IQCE: variants seen among roughly 807,000 people sequenced by gnomAD.
IQCE encodes IQ motif containing E, also known as IQ domain-containing protein E.
IQCE carries 115 observed loss-of-function variants against 96.0 expected under a neutral mutation model. That is an observed-to-expected ratio of 1.20 (90% confidence interval 1.03 to 1.40). The LOEUF (loss-of-function observed/expected upper bound fraction) is 1.40, where lower values mean the gene tolerates loss of function less well. IQCE is among the 40% of genes most tolerant of loss of function. The pLI is 0.00. For synonymous variants in IQCE, 412 were observed against 371.2 expected (o/e 1.11, Z -1.26); for missense variants, 1,041 against 909.1 (o/e 1.15, Z -1.87).
rs999470909 is a variant in IQCE at position 2,590,018 on chromosome 7, C to T, written c.1156C>T (p.Arg386Cys). ...SALHRQPRGD[R>C]NKDHERLRGA... ...GCTGCACAGACAGCCACGAGGGGAC[C>T]GCAACAAGGACCACGAGCGTCTCCG... is the stretch of plus-strand genomic sequence containing the variant. The change falls in exon 14 of 22, where the codon CGC (arginine) becomes TGC (cysteine). Residue 386 changes from arginine to cysteine, a missense_variant. Physicochemically the swap from Arg to Cys is radical, Grantham distance 180. Coordinates refer to ENST00000402050, the MANE Select transcript of IQCE (RefSeq NM_152558.5). The T allele has an allele frequency of 1.4e-5, 22 of 1,613,760 alleles. No homozygotes were observed. The highest frequency in any genetic ancestry group is 6.7e-5 in the African/African-American group (5 of 74,936).
chr7:2,586,420 AATGGCAGGGC>A (rs751512223), intron 12 of IQCE, 49 bp downstream of exon 12: 20 of 417,894 alleles, frequency 4.8e-5, no homozygotes, highest in Non-Finnish European at 6.9e-5. Flanking sequence ...AATGGCAGGG[AATGGCAGGGC>A]ATGGCCACTG....
chr7:2,568,582 C>A (rs967787614), intron 2 of IQCE, among the ~76,000 whole-genome samples: 1 of 152,218 alleles, frequency 6.6e-6, no homozygotes, highest in African/African-American at 2.4e-5. Flanking sequence ...AGGGATTCAT[C>A]TGACCACCTC....
rs1250126016 is a variant in IQCE, at chr7:2,559,073, G to C, written c.-109G>C. ...TGCCATGGCAGCGGGGTCGCGGGCC[G>C]GCGCCAGGGAAGGCCCCGAGGCTGC... On this transcript the variant is annotated 5_prime_UTR_variant, in exon 1 of 22. Transcript: ENST00000402050. 7.0e-6 allele frequency: 4 copies of C among 572,344 alleles called. No individual in the cohort carries two copies. Among genetic ancestry groups the C allele is most frequent in the Non-Finnish European group, 1.0e-5 (4 of 401,888 alleles). 35.5% of individuals were successfully genotyped at this position (572,344 alleles called of 1,614,324 possible).
At chr7:2,560,092 G>T (rs985826230) in intron 1 of IQCE, among the ~76,000 whole-genome samples, 1 of 152,116 alleles carries the variant, frequency 6.6e-6, no homozygotes, top group African/African-American at 2.4e-5. Context: ...CCCAGGAGGT[G>T]GAAGCTACAG....
intron 18 of IQCE, 64 bp from the exon 19 acceptor site, chr7:2,604,815 CCT>C: frequency 2.6e-6 from 3 of 1,153,670 alleles, no homozygotes; most frequent in Non-Finnish European, 2.6e-6. Flanking sequence ...TCGGCGCCTC[CCT>C]CTCGCCCGCC....
Position 2,610,079 on chromosome 7 carries a change from C to G in IQCE, c.2005C>G (p.Leu669Val), listed in dbSNP as rs771781546. The G allele has an allele frequency of 1.2e-6, 2 of 1,612,078 alleles. No individual in the cohort carries two copies. The highest frequency in any genetic ancestry group is 1.7e-5 in the Admixed American group (1 of 60,020). The part of the protein sequence containing the change: ...SPSGPQALAP[L>V]PGDDVNSDDS... Reference sequence around the variant, plus strand: ...CTCAGGGCCACAGGCCTTGGCACCTCTACCTGGGGATGACGTCAACTCCGA... The same window carrying G: ...CTCAGGGCCACAGGCCTTGGCACCTGTACCTGGGGATGACGTCAACTCCGA... Residue 669 changes from leucine (L) to valine (V), a missense_variant, in exon 22 of 22, where the codon CTA becomes GTA. Transcript: ENST00000402050.
chr7:2,575,621 T>C (rs1242680508), intron 6 of IQCE, among the ~76,000 whole-genome samples: 3 of 152,194 alleles, frequency 2.0e-5, no homozygotes, highest in African/African-American at 7.2e-5. Context: ...TGGGGAGGAC[T>C]GTGGTGTTTT....
intron 8 of IQCE, among the ~76,000 whole-genome samples, chr7:2,579,322 GAATAA>G (rs1337527478): frequency 6.6e-6 from 1 of 152,062 alleles, no homozygotes; most frequent in African/African-American, 2.4e-5. Flanking sequence ...TGAACGCAAA[GAATAA>G]AATAACATTA....
intron 1 of IQCE, among the ~76,000 whole-genome samples, chr7:2,562,855 CTTT>C (rs558901415): frequency 7.1e-6 from 1 of 141,820 alleles, no homozygotes; most frequent in East Asian, 2.1e-4. Flanking sequence ...ATCTTTCTTT[CTTT>C]TTTTTTTTTA....
chr7:2,584,385 C>G lies in IQCE; in HGVS notation c.824+100C>G, dbSNP rs188661757. 863 of 1,110,058 alleles carry G rather than the reference C, an allele frequency of 7.8e-4. 3 individuals carry two copies. The African/African-American group carries it at 0.012, about 15-fold the overall frequency. The allele number at this position is 1,110,058 out of a possible 1,614,324, so 68.8% of individuals were successfully genotyped here. On this transcript the variant is annotated intron_variant, in intron 11 of 21. Coordinates refer to ENST00000402050, the MANE Select transcript of IQCE (RefSeq NM_152558.5). Reference sequence around the variant, plus strand: ...TGTCACGTGGGTGCGGCATATACTGCCCTTAGCTTGGCAGTGCTGCCAACA... The same window carrying G: ...TGTCACGTGGGTGCGGCATATACTGGCCTTAGCTTGGCAGTGCTGCCAACA...
chr7:2,593,224 G>T (rs551121285), intron 15 of IQCE, 98 bp downstream of exon 15: 3 of 1,473,962 alleles, frequency 2.0e-6, no homozygotes, highest in Admixed American at 2.1e-5. Flanking sequence ...CTGCCAGCCG[G>T]CTTCTTAGAA....
rs1157566380 is a variant in IQCE, at chr7:2,572,293, A to G, written c.361A>G (p.Lys121Glu). The part of the protein sequence containing the change: ...PDCLTDTFRV[K>E]RPHLRRSASN... ...CTGTCTGACAGACACCTTCAGAGTG[A>G]AGAGGCCACATCTCAGGCGCTCTGC... The change falls in exon 5 of 22, where the codon AAG (lysine) becomes GAG (glutamate). Residue 121 changes from lysine (K) to glutamate (E), a missense_variant. By Grantham distance (56) the Lys-to-Glu change is moderately conservative. Transcript: ENST00000402050. 1 of 1,614,088 alleles carries G rather than the reference A, an allele frequency of 6.2e-7. No individual in the cohort carries two copies. The highest frequency in any genetic ancestry group is 1.7e-5 in the Admixed American group (1 of 60,010).
intron 6 of IQCE, among the ~76,000 whole-genome samples, chr7:2,575,398 G>T (rs1782044468): frequency 6.6e-6 from 1 of 152,238 alleles, no homozygotes; most frequent in African/African-American, 2.4e-5. Context: ...AGCTAGGAGG[G>T]AAGGTGCTGA....
intron 15 of IQCE, among the ~76,000 whole-genome samples, chr7:2,593,581 G>A (rs1783785039): frequency 6.6e-6 from 1 of 152,258 alleles, no homozygotes; most frequent in Admixed American, 6.5e-5. Flanking sequence ...AGCCCTGACC[G>A]GCCCGGCCCG....
At chr7:2,582,091 T>G (rs1216367387) in intron 8 of IQCE, 1 of 469,576 alleles carries the variant, frequency 2.1e-6, no homozygotes, top group South Asian at 1.6e-5. Flanking sequence ...AGGAGGCCGC[T>G]GGAGCTGTTC....
chr7:2,578,580 ACAGCC>A, intron 8 of IQCE, 54 bp downstream of exon 8: 1 of 1,591,934 alleles, frequency 6.3e-7, no homozygotes, highest in Admixed American at 1.7e-5. Context: ...GTTACTGGGG[ACAGCC>A]ACAGAGGGAC....
chr7:2,573,523 C>T lies in IQCE; in HGVS notation c.465+35C>T, dbSNP rs142544307. The T allele has an allele frequency of 2.6e-4, 293 of 1,125,134 alleles. 1 individual carries two copies. The East Asian group carries it at 2.9e-3, about 11-fold the overall frequency. The allele number at this position is 1,125,134 out of a possible 1,614,324, so 69.7% of individuals were successfully genotyped here. A position where few individuals can be genotyped will look rare whatever the true frequency, so the allele number is the denominator to read the frequency against. On this transcript the variant is annotated intron_variant, in intron 6 of 21. Transcript: ENST00000402050. ...CGGTTTGTTCTCTATTGATTTGAAA[C>T]GGTGAAAGCTTCCTATAACAATGTA...
chr7:2,574,399 C>G (rs1469153736), intron 6 of IQCE, among the ~76,000 whole-genome samples: 1 of 152,236 alleles, frequency 6.6e-6, no homozygotes, highest in African/African-American at 2.4e-5. Flanking sequence ...ACAGCGCCTT[C>G]TCTGTTGGCC....
chr7:2,563,016 C>T (rs1257465400), intron 1 of IQCE, among the ~76,000 whole-genome samples: 1 of 152,142 alleles, frequency 6.6e-6, no homozygotes, highest in African/African-American at 2.4e-5. Flanking sequence ...GCCTCATACT[C>T]CTGGGCTTGA....
Sources: gnomAD v4.1 joint callset for allele counts (sites outside exome capture counted in the v4.1 genomes callset) on GRCh38, gnomAD v4.1.1 for gene constraint, MANE v1.5 for transcripts, NCBI Gene and HGNC (gene_info 2026-07-23, HGNC 2026-07-21) for gene names.